The following NLGN1 variants were observed in gnomAD, a reference collection of about 807,000 sequenced individuals.
NLGN1 encodes the protein neuroligin-1.
NLGN1 carries 12 observed loss-of-function variants against 65.5 expected under a neutral mutation model. That is an observed-to-expected ratio of 0.18 (90% CI 0.12 to 0.30). The LOEUF (loss-of-function observed/expected upper bound fraction) is 0.30, where lower values mean the gene tolerates loss of function less well. NLGN1 is among the 10% of genes least tolerant of loss of function. NLGN1 has a pLI of 1.00. For missense variants in NLGN1, 750 were observed against 1,007.1 expected, an observed-to-expected ratio of 0.74 and a Z score of 3.46; for synonymous variants, 350 against 359.5, an observed-to-expected ratio of 0.97 and a Z score of 0.30.
intron 3 of NLGN1, among the ~76,000 whole-genome samples, chr3:173,710,226 A>C (rs1228867648): frequency 6.6e-6 from 1 of 152,218 alleles, no homozygotes; most frequent in Non-Finnish European, 1.5e-5. Flanking sequence ...ACAATGGAAA[A>C]GGACCAGTAA....
At chr3:173,921,420 A>G (rs1341874022) in intron 4 of NLGN1, among the ~76,000 whole-genome samples, 4 of 151,254 alleles carry the variant, frequency 2.6e-5, no homozygotes, top group Non-Finnish European at 5.9e-5. Context: ...GAATGCATTT[A>G]CACGTAAAAA....
intron 4 of NLGN1, among the ~76,000 whole-genome samples, chr3:173,999,625 A>T (rs759515409): frequency 6.6e-6 from 1 of 152,178 alleles, no homozygotes; most frequent in Non-Finnish European, 1.5e-5. Context: ...ACAAAGTCCT[A>T]ATAACATTTT....
At chr3:174,104,213 T>C (rs1399065185) in intron 4 of NLGN1, among the ~76,000 whole-genome samples, 1 of 152,122 alleles carries the variant, frequency 6.6e-6, no homozygotes, top group Admixed American at 6.6e-5. Context: ...TCCTATGGCT[T>C]GGCTATTCGA....
intron 4 of NLGN1, among the ~76,000 whole-genome samples, chr3:174,150,371 GT>G (rs1382762928): frequency 6.6e-6 from 1 of 152,090 alleles, no homozygotes; most frequent in Non-Finnish European, 1.5e-5. Flanking sequence ...TTGACATGTT[GT>G]GACAAATAAA....
chr3:173,999,331 A>AT (rs199751169), intron 4 of NLGN1, among the ~76,000 whole-genome samples: 58 of 150,574 alleles, frequency 3.9e-4, no homozygotes, highest in African/African-American at 7.5e-4. Flanking sequence ...TTGAGATGAT[A>AT]TTTTTTTTTT....
chr3:173,561,347 G>C (rs188357159), intron 2 of NLGN1, among the ~76,000 whole-genome samples: 2 of 152,098 alleles, frequency 1.3e-5, no homozygotes, highest in Non-Finnish European at 2.9e-5. Flanking sequence ...TTGTGATGTT[G>C]ACTTCTAGCG....
intron 2 of NLGN1, among the ~76,000 whole-genome samples, chr3:173,453,606 A>G (rs114721873): frequency 0.028 from 4,262 of 152,244 alleles, 206 homozygotes; most frequent in African/African-American, 0.095. Flanking sequence ...TCTTCTCTGG[A>G]AGATTCTGTC....
At chr3:173,696,554 T>TTATA (rs1766247872) in intron 3 of NLGN1, among the ~76,000 whole-genome samples, 1 of 151,936 alleles carries the variant, frequency 6.6e-6, no homozygotes, top group African/African-American at 2.4e-5. Flanking sequence ...CATTGAAGAG[T>TTATA]TATATGGTAA....
Position 174,280,418 on chromosome 3 carries a change from T to TACTTAACATCTAATTTTACTTAA in NLGN1, c.1650-62_1650-61insCTTAACATCTAATTTTACTTAAA. 1 of 1,081,102 alleles carries TACTTAACATCTAATTTTACTTAA rather than the reference T, an allele frequency of 9.2e-7. No individual in the cohort carries two copies. The highest frequency in any genetic ancestry group is 2.6e-5 in the East Asian group (1 of 39,182). The allele number at this position is 1,081,102 out of a possible 1,614,324, so 67.0% of individuals were successfully genotyped here. A position where few individuals can be genotyped will look rare whatever the true frequency, so the allele number is the denominator to read the frequency against. Reference sequence around the variant, plus strand: ...TCTATTTAATTATTAGATGTTAAAGTAGTGTGATTTTAAGTAAAAAATAAA... The same window carrying TACTTAACATCTAATTTTACTTAA: ...TCTATTTAATTATTAGATGTTAAAGTACTTAACATCTAATTTTACTTAAAGTGTGATTTTAAGTAAAAAATAAA... On this transcript the variant is annotated intron_variant, in intron 6 of 6. Coordinates refer to ENST00000457714, the Ensembl canonical transcript of NLGN1. The surrounding 1 kb of genome is among the most constrained non-coding windows in gnomAD (Gnocchi z 4.9).
chr3:173,432,602 A>G (rs139909205), intron 1 of NLGN1, among the ~76,000 whole-genome samples: 2,560 of 152,136 alleles, frequency 0.017, 30 homozygotes, highest in Non-Finnish European at 0.025. Flanking sequence ...GAGTTTTAAG[A>G]GTTCCTTGTA....
chr3:173,552,592 G>C (rs1211242521), intron 2 of NLGN1, among the ~76,000 whole-genome samples: 5 of 152,088 alleles, frequency 3.3e-5, no homozygotes, highest in Admixed American at 1.3e-4. Context: ...AAGGAAAAAG[G>C]GGGTAACAAG....
chr3:173,455,941 A>G (rs1016380653), intron 2 of NLGN1, among the ~76,000 whole-genome samples: 9 of 152,110 alleles, frequency 5.9e-5, no homozygotes, highest in African/African-American at 2.2e-4. Flanking sequence ...GGTGGAAAGA[A>G]TGATGGCCCA....
rs143514573 is a variant in NLGN1 at position 173,440,846 on chromosome 3, G to A, written c.-321+5768G>A. Reference sequence around the variant, plus strand: ...GCATTAGCCCCTAACAAAAGAGCCAGTCTTTCTTTTGAAGCCTGCAAGCCA... The same window carrying A: ...GCATTAGCCCCTAACAAAAGAGCCAATCTTTCTTTTGAAGCCTGCAAGCCA... On this transcript the variant is annotated intron_variant, in intron 2 of 6. Coordinates refer to ENST00000457714, the Ensembl canonical transcript of NLGN1. Among the ~76,000 whole-genome samples, 1,172 of 152,278 alleles carry A rather than the reference G, an allele frequency of 7.7e-3. 13 individuals carry two copies. Among genetic ancestry groups the A allele is most frequent in the African/African-American group, 0.026 (1,094 of 41,560 alleles).
intron 4 of NLGN1, among the ~76,000 whole-genome samples, chr3:173,893,162 C>A (rs1735672201): frequency 1.3e-5 from 2 of 152,144 alleles, no homozygotes; most frequent in Admixed American, 1.3e-4. Context: ...TTTCCAACTT[C>A]TAGCTAGTTA....
intron 3 of NLGN1, among the ~76,000 whole-genome samples, chr3:173,728,131 T>G (rs111749898): frequency 0.017 from 2,638 of 152,190 alleles, 63 homozygotes; most frequent in African/African-American, 0.059. Flanking sequence ...GTTATACTCA[T>G]GTTAGTGTGA....
chr3:173,611,308 A>T (rs1304774807), intron 3 of NLGN1, among the ~76,000 whole-genome samples: 1 of 152,060 alleles, frequency 6.6e-6, no homozygotes, highest in Non-Finnish European at 1.5e-5. Flanking sequence ...GGAGGAACAA[A>T]GAAGTTAAAT....
intron 3 of NLGN1, among the ~76,000 whole-genome samples, chr3:173,675,854 TTC>T (rs1208583644): frequency 1.8e-5 from 2 of 108,426 alleles, no homozygotes; most frequent in African/African-American, 3.8e-5. Context: ...CTCTCTCTCT[TTC>T]TCTCTCTCTT....
chr3:173,814,073 C>A (rs1436444546), intron 4 of NLGN1, among the ~76,000 whole-genome samples: 2 of 152,248 alleles, frequency 1.3e-5, no homozygotes, highest in Non-Finnish European at 2.9e-5. Context: ...ACCGTGACTT[C>A]CCAGCAGCCC....
At chr3:174,094,138 A>C (rs1236007348) in intron 4 of NLGN1, among the ~76,000 whole-genome samples, 1 of 152,218 alleles carries the variant, frequency 6.6e-6, no homozygotes, top group Non-Finnish European at 1.5e-5. Context: ...AGTGGTAACA[A>C]GATGGTTTTA....
Sources: allele counts gnomAD v4.1 joint callset (sites outside exome capture counted in the v4.1 genomes callset), GRCh38; gene constraint gnomAD v4.1.1; non-coding constraint Gnocchi (gnomAD v3.1); transcripts MANE v1.5; gene names NCBI Gene and HGNC (gene_info 2026-07-23, HGNC 2026-07-21).